AGPAT4: variants seen among roughly 807,000 people sequenced by gnomAD.
The protein encoded by AGPAT4 is 1-acyl-sn-glycerol-3-phosphate acyltransferase delta.
In AGPAT4, 15 loss-of-function variants were observed where a neutral mutation model predicts 48.0. The observed-to-expected ratio is 0.31, with a 90% confidence interval of 0.21 to 0.48. The LOEUF (loss-of-function observed/expected upper bound fraction) is 0.48. Among genes scored for constraint, AGPAT4 ranks in the 20% least tolerant of loss-of-function variants. The pLI is 0.99. For synonymous variants in AGPAT4, 178 were observed against 198.7 expected (o/e 0.90, Z 0.88); for missense variants, 314 against 482.5 (o/e 0.65, Z 3.27).
chr6:161,171,331 A>G lies in AGPAT4; in HGVS notation c.179-4914T>C, dbSNP rs933931674. On this transcript the variant is annotated intron_variant, in intron 2 of 8. Coordinates refer to ENST00000320285, the MANE Select transcript of AGPAT4 (RefSeq NM_020133.3). This position sits in a 1 kb window ranked among gnomAD's most constrained non-coding sequence, Gnocchi z 4.4. ...TACAAAGAACAGAGATTTATTTCTTATAGTTCTGGAGGCTGGGAAGTCCAA... is the reference window on the plus strand; with the variant it reads ...TACAAAGAACAGAGATTTATTTCTTGTAGTTCTGGAGGCTGGGAAGTCCAA... 1.3e-5 allele frequency among the ~76,000 whole-genome samples: 2 copies of G among 152,242 alleles called. No individual in the cohort carries two copies. The highest frequency in any genetic ancestry group is 2.9e-5 in the Non-Finnish European group (2 of 68,038).
chr6:161,271,294 T>G (rs1783416207), intron 1 of AGPAT4, among the ~76,000 whole-genome samples: 1 of 152,198 alleles, frequency 6.6e-6, no homozygotes, highest in Non-Finnish European at 1.5e-5. Flanking sequence ...CTGCCTCCTC[T>G]CCTATAAAGC....
At position 161,140,031 on chromosome 6, in the gene AGPAT4, G is replaced by C. The variant is rs1205912166; in HGVS notation, c.844-411C>G. 1.3e-5 allele frequency among the ~76,000 whole-genome samples: 2 copies of C among 152,240 alleles called. No individual in the cohort carries two copies. The highest frequency in any genetic ancestry group is 3.9e-4 in the East Asian group (2 of 5,186). On this transcript the variant is annotated intron_variant, in intron 7 of 8. Coordinates refer to ENST00000320285, the MANE Select transcript of AGPAT4 (RefSeq NM_020133.3). This position sits in a 1 kb window ranked among gnomAD's most constrained non-coding sequence, Gnocchi z 6.5. ...ATGGAGTGGATGCTGCGCCGAAGCT[G>C]CCCGCAGGGGACACTCGGTGGAGAC...
chr6:161,233,327 G>T lies in AGPAT4; in HGVS notation c.-89-1025C>A, dbSNP rs1782179390. Among the ~76,000 whole-genome samples the T allele has an allele frequency of 6.6e-6, 1 of 152,194 alleles. No individual in the cohort carries two copies. Among genetic ancestry groups the T allele is most frequent in the Admixed American group, 6.5e-5 (1 of 15,284 alleles). On this transcript the variant is annotated intron_variant, in intron 1 of 8. Coordinates refer to ENST00000320285, the MANE Select transcript of AGPAT4 (RefSeq NM_020133.3). This position sits in a 1 kb window ranked among gnomAD's most constrained non-coding sequence, Gnocchi z 5.4. ...GGAGTTTCAAATACTCTGATGAAAA[G>T]GAAAGCTGTGAGCAGCGGACTCGCT...
Position 161,164,986 on chromosome 6 carries a change from TC to T in AGPAT4, c.348+1261del, listed in dbSNP as rs1188546564. Reference sequence around the variant, plus strand: ...GGTGGTAAGACAGGTGACCTGACAGTCAAGATGCACCGGCTCCCCATACCCT... The same window carrying T: ...GGTGGTAAGACAGGTGACCTGACAGTAAGATGCACCGGCTCCCCATACCCT... On this transcript the variant is annotated intron_variant, in intron 3 of 8. Coordinates refer to ENST00000320285, the MANE Select transcript of AGPAT4 (RefSeq NM_020133.3). This position sits in a 1 kb window ranked among gnomAD's most constrained non-coding sequence, Gnocchi z 7.4. Among the ~76,000 whole-genome samples, 75 of 152,172 alleles carry T rather than the reference TC, an allele frequency of 4.9e-4. No homozygotes were observed. The highest frequency in any genetic ancestry group is 3.4e-3 in the Middle Eastern group (1 of 294).
At chr6:161,182,950 G>A (rs937105421) in intron 2 of AGPAT4, among the ~76,000 whole-genome samples, 23 of 152,174 alleles carry the variant, frequency 1.5e-4, no homozygotes, top group African/African-American at 5.5e-4. Context: ...GAAACGCCGA[G>A]GCATACCACT....
At chr6:161,157,131 C>A (rs1265514890) in intron 3 of AGPAT4, among the ~76,000 whole-genome samples, 3 of 152,204 alleles carry the variant, frequency 2.0e-5, no homozygotes, top group Non-Finnish European at 2.9e-5. Flanking sequence ...TCTGCCTGAC[C>A]AAGCTGGTCT....
In AGPAT4 at chr6:161,249,153, A is replaced by G. The variant is rs1462698053; in HGVS notation, c.-89-16851T>C. On this transcript the variant is annotated intron_variant, in intron 1 of 8. Transcript: ENST00000320285. The surrounding 1 kb of genome is among the most constrained non-coding windows in gnomAD (Gnocchi z 6.2). Reference sequence around the variant, plus strand: ...ACTGGACACCTTCCTTATGCCATATACAAAAATTAACCCAAGATGGACTAA... The same window carrying G: ...ACTGGACACCTTCCTTATGCCATATGCAAAAATTAACCCAAGATGGACTAA... Among the ~76,000 whole-genome samples, 9 of 152,252 alleles carry G rather than the reference A, an allele frequency of 5.9e-5. No individual in the cohort carries two copies. The highest frequency in any genetic ancestry group is 1.5e-5 in the Non-Finnish European group (1 of 68,050).
In AGPAT4 at chr6:161,158,280, C is replaced by T. The variant is rs1779817618; in HGVS notation, c.349-3970G>A. Among the ~76,000 whole-genome samples, 1 of 152,194 alleles carries T rather than the reference C, an allele frequency of 6.6e-6. No homozygotes were observed. The highest frequency in any genetic ancestry group is 1.5e-5 in the Non-Finnish European group (1 of 68,040). On this transcript the variant is annotated intron_variant, in intron 3 of 8. Transcript: ENST00000320285. This position sits in a 1 kb window ranked among gnomAD's most constrained non-coding sequence, Gnocchi z 5.3. ...ATAGGCTATAACTATCATGGCTTTC[C>T]CAGGCCACTCAGAGGCTTCCATGTG...
rs1778855772 is a variant in AGPAT4 at position 161,130,141 on chromosome 6, C to T, written c.*6399G>A. On this transcript the variant is annotated 3_prime_UTR_variant, in exon 9 of 9. Coordinates refer to ENST00000320285, the MANE Select transcript of AGPAT4 (RefSeq NM_020133.3). ...AGTACCCTAGGGTGACATGACAGCC[C>T]ATATATCAGTTCTCTGTTTCACATT... is the stretch of plus-strand genomic sequence containing the variant. 1 of 152,154 alleles carries T rather than the reference C, an allele frequency of 6.6e-6. No homozygotes were observed. Among genetic ancestry groups the T allele is most frequent in the Admixed American group, 6.5e-5 (1 of 15,278 alleles). The allele number at this position is 152,154 out of a possible 1,614,324, so 9.4% of individuals were successfully genotyped here.
At chr6:161,213,053 T>C (rs1333084684) in intron 2 of AGPAT4, among the ~76,000 whole-genome samples, 1 of 152,202 alleles carries the variant, frequency 6.6e-6, no homozygotes, top group African/African-American at 2.4e-5. Context: ...CTGCACAGGG[T>C]TCCTGACCTG....
rs76544394 is a variant in AGPAT4, at chr6:161,238,918, G to A, written c.-89-6616C>T. 1.3e-5 allele frequency among the ~76,000 whole-genome samples: 2 copies of A among 152,148 alleles called. No homozygotes were observed. The highest frequency in any genetic ancestry group is 2.4e-5 in the African/African-American group (1 of 41,430). On this transcript the variant is annotated intron_variant, in intron 1 of 8. Coordinates refer to ENST00000320285, the MANE Select transcript of AGPAT4 (RefSeq NM_020133.3). This position sits in a 1 kb window ranked among gnomAD's most constrained non-coding sequence, Gnocchi z 5.2. ...CTGCCATGATTGTAAGTTTCCTGAG[G>A]CCTCTCCAGCCCTGCAGAACTGTGA...
Position 161,148,861 on chromosome 6 carries a change from C to T in AGPAT4, c.767+326G>A, listed in dbSNP as rs1422731232. Among the ~76,000 whole-genome samples, 3 of 152,196 alleles carry T rather than the reference C, an allele frequency of 2.0e-5. No individual in the cohort carries two copies. The highest frequency in any genetic ancestry group is 2.0e-4 in the Admixed American group (3 of 15,286). ...AATACACATCTGTGTGTATTCCATA[C>T]AGCAGACCCATCGCCCACGAAAAGG... On this transcript the variant is annotated intron_variant, in intron 6 of 8. Transcript: ENST00000320285. This position sits in a 1 kb window ranked among gnomAD's most constrained non-coding sequence, Gnocchi z 5.5.
chr6:161,165,517 A>C lies in AGPAT4; in HGVS notation c.348+731T>G. 9.0e-7 allele frequency: 1 copy of C among 1,116,762 alleles called. No homozygotes were observed. Among genetic ancestry groups the C allele is most frequent in the Non-Finnish European group, 1.2e-6 (1 of 866,516 alleles). The allele number at this position is 1,116,762 out of a possible 1,614,324, so 69.2% of individuals were successfully genotyped here. A position where few individuals can be genotyped will look rare whatever the true frequency, so the allele number is the denominator to read the frequency against. ...TCTCTAAGTTCTGGTGCAAACTCTTAGGACCTTTCCTAGCCCCAGACCAAT... is the reference window on the plus strand; with the variant it reads ...TCTCTAAGTTCTGGTGCAAACTCTTCGGACCTTTCCTAGCCCCAGACCAAT... On this transcript the variant is annotated intron_variant, in intron 3 of 8. Transcript: ENST00000320285. This position sits in a 1 kb window ranked among gnomAD's most constrained non-coding sequence, Gnocchi z 5.5.
chr6:161,227,749 C>A (rs956458526), intron 2 of AGPAT4, among the ~76,000 whole-genome samples: 1 of 152,086 alleles, frequency 6.6e-6, no homozygotes, highest in Non-Finnish European at 1.5e-5. Flanking sequence ...ATTATTCCAG[C>A]GAGAAACAGA....
rs1279481341 is a variant in AGPAT4, at chr6:161,221,357, G to A, written c.178+10679C>T. ...TACTCCTTTGAGTTCCTGGATTTAAGAGGTGGGAAAAAGGATTTCTTGGCC... is the reference window on the plus strand; with the variant it reads ...TACTCCTTTGAGTTCCTGGATTTAAAAGGTGGGAAAAAGGATTTCTTGGCC... On this transcript the variant is annotated intron_variant, in intron 2 of 8. Transcript: ENST00000320285. The surrounding 1 kb of genome is among the most constrained non-coding windows in gnomAD (Gnocchi z 4.5). 1.3e-5 allele frequency among the ~76,000 whole-genome samples: 2 copies of A among 152,174 alleles called. No individual in the cohort carries two copies. The highest frequency in any genetic ancestry group is 1.9e-4 in the East Asian group (1 of 5,192).
rs1444220584 is a variant in AGPAT4, at chr6:161,245,305, T to G, written c.-89-13003A>C. Among the ~76,000 whole-genome samples the G allele has an allele frequency of 2.0e-5, 3 of 151,980 alleles. No individual in the cohort carries two copies. Among genetic ancestry groups the G allele is most frequent in the Non-Finnish European group, 4.4e-5 (3 of 67,996 alleles). ...GACATACACGCCGGCCCCACAGGGGTGATGGGAGACTTCAGGAGGTGATGG... is the reference window on the plus strand; with the variant it reads ...GACATACACGCCGGCCCCACAGGGGGGATGGGAGACTTCAGGAGGTGATGG... On this transcript the variant is annotated intron_variant, in intron 1 of 8. Transcript: ENST00000320285. The surrounding 1 kb of genome is among the most constrained non-coding windows in gnomAD (Gnocchi z 5.2).
intron 2 of AGPAT4, among the ~76,000 whole-genome samples, chr6:161,213,422 T>G (rs981796694): frequency 6.6e-6 from 1 of 152,254 alleles, no homozygotes; most frequent in Non-Finnish European, 1.5e-5. Flanking sequence ...AGTTTTATCT[T>G]ACATTTTTCA....
intron 1 of AGPAT4, among the ~76,000 whole-genome samples, chr6:161,247,548 C>T (rs560426344): frequency 6.6e-6 from 1 of 152,100 alleles, no homozygotes; most frequent in Non-Finnish European, 1.5e-5. Context: ...ATTGAAGGAA[C>T]GTTCCTTAAA....
rs1014519056 is a variant in AGPAT4, at chr6:161,217,222, G to T, written c.178+14814C>A. Among the ~76,000 whole-genome samples, 2 of 152,218 alleles carry T rather than the reference G, an allele frequency of 1.3e-5. No homozygotes were observed. The highest frequency in any genetic ancestry group is 4.8e-5 in the African/African-American group (2 of 41,460). On this transcript the variant is annotated intron_variant, in intron 2 of 8. Coordinates refer to ENST00000320285, the MANE Select transcript of AGPAT4 (RefSeq NM_020133.3). The surrounding 1 kb of genome is among the most constrained non-coding windows in gnomAD (Gnocchi z 4.9). ...CACCGGAGAACTCGGTCATCCGCTT[G>T]GGAGCCAGGGACATGCTGAGCTGGA...
Sources: allele counts gnomAD v4.1 joint callset (sites outside exome capture counted in the v4.1 genomes callset), GRCh38; gene constraint gnomAD v4.1.1; non-coding constraint Gnocchi (gnomAD v3.1); transcripts MANE v1.5; gene names NCBI Gene and HGNC (gene_info 2026-07-23, HGNC 2026-07-21).